KHDRBS3: variants seen among roughly 807,000 people sequenced by gnomAD.
The protein encoded by KHDRBS3 is KH RNA binding domain containing, signal transduction associated 3.
A neutral mutation model predicts 45.6 loss-of-function variants in KHDRBS3; 23 were observed. The observed-to-expected ratio is 0.50, with a 90% CI of 0.36 to 0.72. The LOEUF is 0.72. Ranked by LOEUF, KHDRBS3 falls within the 30% of genes least tolerant of loss-of-function variation. The pLI is 0.00. For synonymous variants in KHDRBS3, 162 were observed against 156.5 expected, an observed-to-expected ratio of 1.04 and a Z score of -0.26; for missense variants, 352 against 424.8, an observed-to-expected ratio of 0.83 and a Z score of 1.51.
At chr8:135,633,200 G>A (rs1407895925) in intron 7 of KHDRBS3, among the ~76,000 whole-genome samples, 1 of 152,132 alleles carries the variant, frequency 6.6e-6, no homozygotes, top group Non-Finnish European at 1.5e-5. Context: ...ATCCATGCAT[G>A]AATGAATGCA....
intron 7 of KHDRBS3, among the ~76,000 whole-genome samples, chr8:135,633,257 T>C (rs1830679542): frequency 6.6e-6 from 1 of 152,238 alleles, no homozygotes; most frequent in Non-Finnish European, 1.5e-5. Flanking sequence ...GCATGGCCAC[T>C]GCTGAAGTTG....
chr8:135,647,868 C>A (rs1831353937), downstream of KHDRBS3: 1 of 152,182 alleles, frequency 6.6e-6, no homozygotes, highest in African/African-American at 2.4e-5. Context: ...AAAACCAAAT[C>A]TTGTTTAAAA....
chr8:135,547,834 G>T (rs1480111762), intron 3 of KHDRBS3, among the ~76,000 whole-genome samples: 1 of 152,136 alleles, frequency 6.6e-6, no homozygotes, highest in African/African-American at 2.4e-5. Context: ...ATTGGAAACA[G>T]AGACTAATGG....
At position 135,457,491 on chromosome 8, in the gene KHDRBS3, A is replaced by T. The variant is rs903580049; in HGVS notation, c.-376A>T. The T allele has an allele frequency of 1.4e-5, 2 of 147,022 alleles. No individual in the cohort carries two copies. Among genetic ancestry groups the T allele is most frequent in the African/African-American group, 2.5e-5 (1 of 40,706 alleles). The allele number at this position is 147,022 out of a possible 1,614,324, so 9.1% of individuals were successfully genotyped here. On this transcript the variant is annotated 5_prime_UTR_variant, in exon 1 of 9. Coordinates refer to ENST00000355849, the MANE Select transcript of KHDRBS3 (RefSeq NM_006558.3). This position sits in a 1 kb window ranked among gnomAD's most constrained non-coding sequence, Gnocchi z 4.4. ...GGGCGGCGCGCGGCGTGCAGGTCGC[A>T]GCTGTGGCTCGGGTGCTGGCAGGTG... is the stretch of plus-strand genomic sequence containing the variant.
intron 5 of KHDRBS3, among the ~76,000 whole-genome samples, chr8:135,569,894 A>G (rs957727531): frequency 3.9e-5 from 6 of 152,162 alleles, no homozygotes; most frequent in Non-Finnish European, 8.8e-5. Flanking sequence ...TACTCCTAAC[A>G]CCAAACCCAA....
chr8:135,515,193 C>T lies in KHDRBS3; in HGVS notation c.89-6044C>T, dbSNP rs11786668. ...CATCCTGGCTAACACGGTGAAACGC[C>T]GTCTCTACTAAAAATACAAAAAATT... is the stretch of plus-strand genomic sequence containing the variant. On this transcript the variant is annotated intron_variant, in intron 1 of 8. Transcript: ENST00000355849. Among the ~76,000 whole-genome samples the T allele has an allele frequency of 4.4e-3, 664 of 151,222 alleles. 3 individuals are homozygous for T. Among genetic ancestry groups the T allele is most frequent in the Non-Finnish European group, 8.0e-3 (542 of 67,798 alleles).
At chr8:135,497,475 A>G (rs1445786332) in intron 1 of KHDRBS3, among the ~76,000 whole-genome samples, 2 of 152,082 alleles carry the variant, frequency 1.3e-5, no homozygotes, top group African/African-American at 4.8e-5. Context: ...GCATGAATTC[A>G]GCCTTATTAC....
chr8:135,568,504 G>A (rs1467486927), intron 5 of KHDRBS3, among the ~76,000 whole-genome samples: 1 of 152,026 alleles, frequency 6.6e-6, no homozygotes, highest in Non-Finnish European at 1.5e-5. Flanking sequence ...AAAAGTGATG[G>A]GACTAAAATG....
In KHDRBS3 at chr8:135,531,839, A is replaced by G. The variant is rs571079955; in HGVS notation, c.207+10484A>G. 7.9e-5 allele frequency among the ~76,000 whole-genome samples: 12 copies of G among 152,294 alleles called. No individual in the cohort carries two copies. The South Asian group carries it at 2.5e-3, about 32-fold the overall frequency. ...AACATTCGTGTAAATCATAAGGAAT[A>G]TATTCTGGAATGCCTTCAGTGCTTT... is the stretch of plus-strand genomic sequence containing the variant. On this transcript the variant is annotated intron_variant, in intron 2 of 8. Coordinates refer to ENST00000355849, the MANE Select transcript of KHDRBS3 (RefSeq NM_006558.3).
At position 135,557,554 on chromosome 8, in the gene KHDRBS3, G is replaced by A. The variant is rs200509558; in HGVS notation, c.578G>A (p.Arg193His). ...VPVVRGKPTL[R>H]TRGVPAPAIT... Reference sequence around the variant, plus strand: ...GTGGTTCGAGGGAAACCCACCTTGCGTACAAGAGGTGTACCAGCCCCAGCA... The same window carrying A: ...GTGGTTCGAGGGAAACCCACCTTGCATACAAGAGGTGTACCAGCCCCAGCA... The change falls in exon 5 of 9, where the codon CGT (arginine) becomes CAT (histidine). Residue 193 changes from arginine to histidine, a missense_variant. Arg to His is a conservative substitution (Grantham distance 29). Transcript: ENST00000355849. 1.2e-5 allele frequency: 20 copies of A among 1,612,998 alleles called. No individual in the cohort carries two copies. Among genetic ancestry groups the A allele is most frequent in the Non-Finnish European group, 1.1e-5 (13 of 1,178,978 alleles).
rs561215977 is a variant in KHDRBS3 at position 135,530,391 on chromosome 8, G to T, written c.207+9036G>T. Among the ~76,000 whole-genome samples, 303 of 152,192 alleles carry T rather than the reference G, an allele frequency of 2.0e-3. 3 individuals are homozygous for T. The highest frequency in any genetic ancestry group is 6.8e-3 in the African/African-American group (284 of 41,514). Reference sequence around the variant, plus strand: ...AGGATGCAGTCTTTTGGAGGAAAATGGCAAAAATTCATGCCGTAGATTGAA... The same window carrying T: ...AGGATGCAGTCTTTTGGAGGAAAATTGCAAAAATTCATGCCGTAGATTGAA... On this transcript the variant is annotated intron_variant, in intron 2 of 8. Coordinates refer to ENST00000355849, the MANE Select transcript of KHDRBS3 (RefSeq NM_006558.3).
chr8:135,488,909 C>T (rs1823000520), intron 1 of KHDRBS3, among the ~76,000 whole-genome samples: 1 of 152,146 alleles, frequency 6.6e-6, no homozygotes, highest in Non-Finnish European at 1.5e-5. Flanking sequence ...AATGTTTGTT[C>T]CCAGCTAAGC....
intron 6 of KHDRBS3, among the ~76,000 whole-genome samples, chr8:135,598,710 T>G (rs1335538487): frequency 1.3e-5 from 2 of 152,210 alleles, no homozygotes; most frequent in African/African-American, 4.8e-5. Context: ...TGACACTGCA[T>G]CGACCCGGAT....
chr8:135,535,509 A>G lies in KHDRBS3; in HGVS notation c.208-7145A>G, dbSNP rs907156788. 1.2e-4 allele frequency among the ~76,000 whole-genome samples: 18 copies of G among 151,130 alleles called. 1 individual carries two copies. Among genetic ancestry groups the G allele is most frequent in the East Asian group, 9.7e-4 (5 of 5,164 alleles). ...CTGTAGAATATAGTTTGTTCTGAAA[A>G]AAGTTTTGATGTCTTTAATTGAATA... is the stretch of plus-strand genomic sequence containing the variant. On this transcript the variant is annotated intron_variant, in intron 2 of 8. Coordinates refer to ENST00000355849, the MANE Select transcript of KHDRBS3 (RefSeq NM_006558.3).
downstream of KHDRBS3, among the ~76,000 whole-genome samples, chr8:135,650,306 C>G (rs1373421761): frequency 6.6e-6 from 1 of 152,188 alleles, no homozygotes; most frequent in African/African-American, 2.4e-5. Context: ...AACTCAGCCC[C>G]ATGCCCTCTC....
chr8:135,547,139 T>C (rs1167125135), intron 3 of KHDRBS3, among the ~76,000 whole-genome samples: 1 of 152,196 alleles, frequency 6.6e-6, no homozygotes, highest in Non-Finnish European at 1.5e-5. Flanking sequence ...ATGTTCTGAT[T>C]AGAACAATGA....
intron 6 of KHDRBS3, among the ~76,000 whole-genome samples, chr8:135,602,251 A>G (rs1041282258): frequency 2.0e-5 from 3 of 152,076 alleles, no homozygotes; most frequent in Non-Finnish European, 2.9e-5. Context: ...CTTTTCTCCT[A>G]TTGCACCCTG....
intron 7 of KHDRBS3, among the ~76,000 whole-genome samples, chr8:135,627,238 C>T (rs963227383): frequency 1.3e-5 from 2 of 152,178 alleles, no homozygotes; most frequent in Admixed American, 6.5e-5. Context: ...TTCTCTTCCG[C>T]ACTCCTTCAC....
intron 5 of KHDRBS3, among the ~76,000 whole-genome samples, chr8:135,558,988 G>T (rs996412951): frequency 6.6e-5 from 10 of 152,084 alleles, no homozygotes; most frequent in African/African-American, 2.2e-4. Flanking sequence ...TAACCTCTCC[G>T]TCCTCACACT....
Sources: gnomAD v4.1 joint callset for allele counts (sites outside exome capture counted in the v4.1 genomes callset) on GRCh38, gnomAD v4.1.1 for gene constraint, Gnocchi (gnomAD v3.1) non-coding constraint, MANE v1.5 for transcripts, NCBI Gene and HGNC (gene_info 2026-07-23, HGNC 2026-07-21) for gene names.